Variants in ASAH1 observed in about 807,000 individuals in gnomAD.
ASAH1 encodes the protein acid ceramidase.
In ASAH1, 70 loss-of-function variants were observed where a neutral mutation model predicts 59.5. The ratio of observed to expected loss-of-function variants is 1.18; its 90% CI spans 0.97 to 1.43. ASAH1 has a LOEUF of 1.43. Among genes scored for constraint, ASAH1 ranks in the 40% most tolerant of loss-of-function variants. ASAH1 has a pLI of 0.00. For synonymous variants in ASAH1, 213 were observed against 166.5 expected (o/e 1.28, Z -2.15); for missense variants, 660 against 482.5 (o/e 1.37, Z -3.45).
intron 1 of ASAH1, chr8:18,083,751 C>G: frequency 1.2e-6 from 1 of 820,484 alleles, no homozygotes; most frequent in East Asian, 2.7e-5. Context: ...CCTGCAGAGA[C>G]TAGGATTTCC....
At chr8:18,078,401 G>T (rs758170261) in intron 1 of ASAH1, among the ~76,000 whole-genome samples, 6 of 152,164 alleles carry the variant, frequency 3.9e-5, no homozygotes, top group African/African-American at 1.4e-4. Context: ...ATAAACAAAC[G>T]TGAAATTGGC....
rs7388321 is a variant in ASAH1 at position 18,081,634 on chromosome 8, G to T, written c.78+2347C>A. 4.8e-4 allele frequency among the ~76,000 whole-genome samples: 73 copies of T among 152,358 alleles called. 2 individuals carry two copies. The South Asian group carries it at 5.8e-3, about 12-fold the overall frequency. On this transcript the variant is annotated intron_variant, in intron 1 of 13. Coordinates refer to ENST00000637790, the MANE Select transcript of ASAH1 (RefSeq NM_177924.5). ...AATAACTCAGGAGGACCTTCACATAGGAATATTGTGAAAAGCCTCAAAAAC... is the reference window on the plus strand; with the variant it reads ...AATAACTCAGGAGGACCTTCACATATGAATATTGTGAAAAGCCTCAAAAAC...
At chr8:18,070,239 T>A (rs1234544284) in intron 3 of ASAH1, among the ~76,000 whole-genome samples, 1 of 152,172 alleles carries the variant, frequency 6.6e-6, no homozygotes, top group Non-Finnish European at 1.5e-5. Context: ...AACCTCTGCC[T>A]CCCGGGTTCA....
intron 10 of ASAH1, chr8:18,060,431 G>A (rs957441829): frequency 1.3e-5 from 2 of 152,714 alleles, no homozygotes; most frequent in East Asian, 3.9e-4. Context: ...GTGGCCTCAA[G>A]AGATCATCTT....
At chr8:18,069,644 T>G (rs1277704946) in intron 4 of ASAH1, 148 bp downstream of exon 4, 2 of 609,186 alleles carry the variant, frequency 3.3e-6, no homozygotes, top group Non-Finnish European at 5.8e-6. Context: ...TTCCCCAAAT[T>G]TAAGTCCCTC....
chr8:18,061,034 T>C (rs920618625), intron 10 of ASAH1: 1 of 242,576 alleles, frequency 4.1e-6, no homozygotes, highest in Non-Finnish European at 8.1e-6. Flanking sequence ...ATTACAGGCA[T>C]AAGCCACTGT....
chr8:18,076,851 G>A (rs1800423423), intron 1 of ASAH1, among the ~76,000 whole-genome samples: 1 of 152,324 alleles, frequency 6.6e-6, no homozygotes, highest in South Asian at 2.1e-4. Flanking sequence ...AATATATAAA[G>A]TAGGTTGACA....
At chr8:18,083,789 A>T (rs1013242119) in intron 1 of ASAH1, 192 bp downstream of exon 1, 39 of 1,151,386 alleles carry the variant, frequency 3.4e-5, no homozygotes, top group Admixed American at 5.3e-5. Context: ...TGCAGGTAGC[A>T]CCGAATCTAC....
Position 18,057,533 on chromosome 8 carries a change from C to G in ASAH1, c.*1G>C. On this transcript the variant is annotated 3_prime_UTR_variant, in exon 14 of 14. Coordinates refer to ENST00000637790, the MANE Select transcript of ASAH1 (RefSeq NM_177924.5). ...CCGCATTCTGTAGGCCAGACGTGTGCTCACCAACCTATACAAGGGTCAGGG... is the reference window on the plus strand; with the variant it reads ...CCGCATTCTGTAGGCCAGACGTGTGGTCACCAACCTATACAAGGGTCAGGG... 6.3e-7 allele frequency: 1 copy of G among 1,595,090 alleles called. No homozygotes were observed. Among genetic ancestry groups the G allele is most frequent in the Non-Finnish European group, 8.6e-7 (1 of 1,166,996 alleles).
intron 1 of ASAH1, among the ~76,000 whole-genome samples, chr8:18,077,465 G>C (rs1158645628): frequency 1.3e-5 from 2 of 152,064 alleles, no homozygotes; most frequent in Non-Finnish European, 2.9e-5. Context: ...CTCGCCTGTA[G>C]TTGTTTTATA....
rs574599902 is a variant in ASAH1 at position 18,077,021 on chromosome 8, T to C, written c.79-1434A>G. ...TTCCAAAGCCATTCGTGTTCAGTAATAGTGGCTGGGGGCAGCTCGTTTAGA... is the reference window on the plus strand; with the variant it reads ...TTCCAAAGCCATTCGTGTTCAGTAACAGTGGCTGGGGGCAGCTCGTTTAGA... On this transcript the variant is annotated intron_variant, in intron 1 of 13. Transcript: ENST00000637790. Among the ~76,000 whole-genome samples the C allele has an allele frequency of 3.3e-5, 5 of 152,322 alleles. No individual in the cohort carries two copies. In the South Asian group the frequency reaches 1.0e-3, roughly 32 times the overall value.
At chr8:18,069,269 G>A (rs572648050) in intron 4 of ASAH1, among the ~76,000 whole-genome samples, 29 of 151,994 alleles carry the variant, frequency 1.9e-4, no homozygotes, top group African/African-American at 5.8e-4. Context: ...TTGGTTCTGC[G>A]TCAACAAAAA....
intron 4 of ASAH1, 98 bp downstream of exon 4, chr8:18,069,694 C>A: frequency 1.2e-6 from 1 of 852,364 alleles, no homozygotes. Context: ...CAGATTTGCC[C>A]AAGTCCCTGC....
intron 1 of ASAH1, chr8:18,075,791 C>T (rs1800379246): frequency 3.4e-6 from 2 of 593,752 alleles, no homozygotes; most frequent in Non-Finnish European, 6.0e-6. Flanking sequence ...AGTTTCAATT[C>T]AATTTGTAAA....
chr8:18,062,480 A>T (rs189703202), intron 7 of ASAH1, 57 bp from the exon 8 acceptor site: 2 of 1,594,236 alleles, frequency 1.3e-6, no homozygotes, highest in African/African-American at 2.7e-5. Flanking sequence ...AATGATCAAC[A>T]TGATGATGAG....
At chr8:18,062,209 T>C in intron 8 of ASAH1, 70 bp downstream of exon 8, 1 of 1,606,630 alleles carries the variant, frequency 6.2e-7, no homozygotes, top group African/African-American at 1.3e-5. Flanking sequence ...TATTCTTAGA[T>C]TTCAACTTTT....
chr8:18,064,199 G>C (rs1799832155), intron 6 of ASAH1: 2 of 577,718 alleles, frequency 3.5e-6, no homozygotes, highest in Non-Finnish European at 6.1e-6. Context: ...ATGAGGAAGA[G>C]AAGAATGTTT....
intron 1 of ASAH1, 125 bp downstream of exon 1, chr8:18,083,856 G>C: frequency 1.3e-6 from 2 of 1,514,856 alleles, no homozygotes; most frequent in South Asian, 1.2e-5. Context: ...CGAAACCACA[G>C]ACCCCCGTAA....
At chr8:18,059,799 C>A (rs1250174630) in intron 10 of ASAH1, 96 bp from the exon 11 acceptor site, 3 of 1,290,464 alleles carry the variant, frequency 2.3e-6, no homozygotes, top group East Asian at 5.1e-5. Context: ...TTCTGGGACA[C>A]ATGTGCTGAA....
Sources: allele counts gnomAD v4.1 joint callset (sites outside exome capture counted in the v4.1 genomes callset), GRCh38; gene constraint gnomAD v4.1.1; transcripts MANE v1.5; gene names NCBI Gene and HGNC (gene_info 2026-07-23, HGNC 2026-07-21).